DNPEP: variants seen among roughly 807,000 people sequenced by gnomAD.
DNPEP encodes the protein aspartyl aminopeptidase.
In DNPEP, 46 loss-of-function variants were observed where a neutral mutation model predicts 59.1. The observed-to-expected ratio is 0.78, with a 90% confidence interval of 0.61 to 0.99. The LOEUF is 0.99. DNPEP is among the 50% of genes least tolerant of loss of function. DNPEP has a pLI of 0.00. For synonymous variants in DNPEP, 229 were observed against 242.2 expected (o/e 0.95, Z 0.50); for missense variants, 617 against 649.9 (o/e 0.95, Z 0.55).
upstream of DNPEP, among the ~76,000 whole-genome samples, chr2:219,391,040 T>C (rs1954008396): frequency 6.6e-6 from 1 of 152,212 alleles, no homozygotes; most frequent in Admixed American, 6.5e-5. Context: ...CTAAGTTTTC[T>C]ACTTTACCTA....
intron 5 of DNPEP, 90 bp from the exon 6 acceptor site, chr2:219,386,188 G>A (rs2125141579): frequency 6.2e-7 from 1 of 1,609,032 alleles, no homozygotes; most frequent in African/African-American, 1.3e-5. Flanking sequence ...GTGGTCCTCT[G>A]ACCAGACTGC....
intron 1 of DNPEP, chr2:219,399,860 G>A (rs1031724272): frequency 1.4e-5 from 21 of 1,550,230 alleles, no homozygotes; most frequent in African/African-American, 5.5e-5. Flanking sequence ...GACAGGCCCC[G>A]GTTACCTTGT....
chr2:219,380,538 T>C (rs1272134063), intron 13 of DNPEP, among the ~76,000 whole-genome samples: 2 of 152,068 alleles, frequency 1.3e-5, no homozygotes, highest in East Asian at 3.8e-4. Flanking sequence ...ACCTTTTCTA[T>C]GTTTAGATAC....
chr2:219,386,457 G>A (rs773831964), intron 4 of DNPEP, 46 bp from the exon 5 acceptor site: 2 of 1,611,364 alleles, frequency 1.2e-6, no homozygotes, highest in South Asian at 2.2e-5. Flanking sequence ...ATGACGATAT[G>A]TGGAGATGAG....
chr2:219,385,299 G>A lies in DNPEP; in HGVS notation c.774+125C>T, dbSNP rs894563456. ...AGAAGCAGTGGGGGATGTGTCTACT[G>A]GGAAAAACGGGGATGAGAGTTACTG... On this transcript the variant is annotated intron_variant, in intron 8 of 14. Coordinates refer to ENST00000273075, the MANE Select transcript of DNPEP (RefSeq NM_012100.4). 6.3e-6 allele frequency: 4 copies of A among 639,790 alleles called. No individual in the cohort carries two copies. The African/African-American group carries it at 7.3e-5, about 12-fold the overall frequency. The allele number at this position is 639,790 out of a possible 1,614,324, so 39.6% of individuals were successfully genotyped here. A position where few individuals can be genotyped will look rare whatever the true frequency, so the allele number is the denominator to read the frequency against.
chr2:219,382,811 T>C (rs763449763), intron 10 of DNPEP, among the ~76,000 whole-genome samples: 1 of 152,206 alleles, frequency 6.6e-6, no homozygotes, highest in Non-Finnish European at 1.5e-5. Flanking sequence ...CAGCTGAGAC[T>C]GCAGCCTCAC....
rs1160689293 is a variant in DNPEP at position 219,376,987 on chromosome 2, C to G, written c.1240-1965G>C. On this transcript the variant is annotated intron_variant, in intron 13 of 14. Coordinates refer to ENST00000273075, the MANE Select transcript of DNPEP (RefSeq NM_012100.4). The stretch of plus-strand genomic sequence containing the variant: ...ATGTCTTCTAGCCCAAAATGTTTAA[C>G]TTGAGGCTAGGCACGGTGGCTCACA... Among the ~76,000 whole-genome samples the G allele has an allele frequency of 2.6e-5, 4 of 151,952 alleles. No homozygotes were observed. In the East Asian group the frequency reaches 7.7e-4, roughly 29 times the overall value.
chr2:219,386,911 T>C lies in DNPEP; in HGVS notation c.200A>G (p.Asn67Ser), dbSNP rs759023062. ...FSELKETEKW[N>S]IKPESKYFMT... ...CAGTACCTTGCTCTCGGGCTTAATATTCCATTTCTCAGTCTCCTTGAGTTC... is the reference window on the plus strand; with the variant it reads ...CAGTACCTTGCTCTCGGGCTTAATACTCCATTTCTCAGTCTCCTTGAGTTC... Residue 67 changes from asparagine to serine, a missense_variant, in exon 3 of 15, where the codon AAT becomes AGT. Physicochemically the swap from Asn to Ser is conservative, Grantham distance 46 (BLOSUM62 1). Transcript: ENST00000273075. 8.7e-6 allele frequency: 14 copies of C among 1,604,022 alleles called. No individual in the cohort carries two copies. Among genetic ancestry groups the C allele is most frequent in the South Asian group, 7.7e-5 (7 of 90,878 alleles).
At chr2:219,399,919 G>A (rs531232509) in intron 1 of DNPEP, 180 of 1,550,524 alleles carry the variant, frequency 1.2e-4, no homozygotes, top group Non-Finnish European at 1.5e-4. Context: ...GAGAGGCTCC[G>A]AGCCATGGTG....
At chr2:219,391,641 T>C (rs1011906186), upstream of DNPEP, among the ~76,000 whole-genome samples, 7 of 152,204 alleles carry the variant, frequency 4.6e-5, no homozygotes, top group Non-Finnish European at 8.8e-5. Context: ...TCAGTTCTCA[T>C]GAGCTTGTCC....
chr2:219,387,855 CA>C lies in DNPEP; in HGVS notation c.-62del, dbSNP rs1232036253. On this transcript the variant is annotated 5_prime_UTR_variant, in exon 1 of 15. Coordinates refer to ENST00000273075, the MANE Select transcript of DNPEP (RefSeq NM_012100.4). ...CCTGCCCCGCCCCTCACTAGCTTTG[CA>C]GGTCCCCCGCGTGCCCCTTCAGGCC... 24 of 1,506,860 alleles carry C rather than the reference CA, an allele frequency of 1.6e-5. No individual in the cohort carries two copies. The highest frequency in any genetic ancestry group is 1.8e-6 in the Non-Finnish European group (2 of 1,129,612). The allele number at this position is 1,506,860 out of a possible 1,614,324, so 93.3% of individuals were successfully genotyped here. A position where few individuals can be genotyped will look rare whatever the true frequency, so the allele number is the denominator to read the frequency against.
Position 219,375,010 on chromosome 2 carries a change from G to A in DNPEP, c.1252C>T (p.Arg418Trp), listed in dbSNP as rs375968327. Residue 418 changes from arginine (R) to tryptophan (W), a missense_variant, in exon 14 of 15, where the codon CGG (arginine) becomes TGG (tryptophan). Physicochemically the swap from Arg to Trp is moderately radical, Grantham distance 101. Transcript: ENST00000273075. ...GTGGTTCCACAGGGGGTGTCATTCC[G>A]GACCATGAGATCCTAGGGAGAGCAG... is the stretch of plus-strand genomic sequence containing the variant. Reference protein sequence around the residue: ...VKVPLQDLMVRNDTPCGTTIG... With the variant: ...VKVPLQDLMVWNDTPCGTTIG... The A allele has an allele frequency of 7.4e-5, 119 of 1,613,936 alleles. No homozygotes were observed. The highest frequency in any genetic ancestry group is 8.7e-5 in the Non-Finnish European group (103 of 1,180,024).
intron 10 of DNPEP, 129 bp from the exon 11 acceptor site, chr2:219,382,268 C>G: frequency 9.4e-7 from 1 of 1,059,944 alleles, no homozygotes; most frequent in South Asian, 1.5e-5. Flanking sequence ...TAGCAACACC[C>G]CTAACCTGGG....
rs146190661 is a variant in DNPEP, at chr2:219,399,843, A to G, written c.-158+97T>C. The G allele has an allele frequency of 2.2e-4, 336 of 1,549,232 alleles. 1 individual carries two copies. The East Asian group carries it at 8.2e-3, about 38-fold the overall frequency. On this transcript the variant is annotated intron_variant, in intron 1 of 6. Transcript: ENST00000434339. ...GAACGTGTCTGCACTGGCTGGCCAC[A>G]GAACTAGACAGGCCCCGGTTACCTT...
At chr2:219,389,722 A>G (rs1953981830), upstream of DNPEP, among the ~76,000 whole-genome samples, 1 of 150,344 alleles carries the variant, frequency 6.7e-6, no homozygotes, top group South Asian at 2.1e-4. Flanking sequence ...CCCAGCAGCT[A>G]CTTGGGAGGC....
upstream of DNPEP, chr2:219,388,936 A>G (rs1008591366): frequency 5.3e-6 from 5 of 944,798 alleles, no homozygotes; most frequent in Non-Finnish European, 5.0e-6. Context: ...TGATCCGTCG[A>G]GGTAATAAAC....
intron 11 of DNPEP, 92 bp downstream of exon 11, chr2:219,381,887 G>T: frequency 6.8e-7 from 1 of 1,472,524 alleles, no homozygotes; most frequent in Non-Finnish European, 9.3e-7. Context: ...AAGGGAGAAA[G>T]GAAGAGGCTG....
rs1559340765 is a variant in DNPEP at position 219,386,712 on chromosome 2, T to C, written c.286A>G (p.Asn96Asp). ...FAVGGQYVPG[N>D]GFSLIGAHTD... is the part of the protein sequence containing the mutation. ...TGGGCCCCGATGAGGCTGAAGCCAT[T>C]GCCAGGAACGTACTGGCCCCCTACA... Residue 96 changes from asparagine (N) to aspartate (D), a missense_variant, in exon 4 of 15, where the codon AAT (asparagine) becomes GAT (aspartate). Asn to Asp is a conservative substitution (Grantham distance 23). Transcript: ENST00000273075. 6.2e-7 allele frequency: 1 copy of C among 1,613,118 alleles called. No homozygotes were observed. Among genetic ancestry groups the C allele is most frequent in the Admixed American group, 1.7e-5 (1 of 59,936 alleles).
upstream of DNPEP, among the ~76,000 whole-genome samples, chr2:219,390,002 C>T (rs1953990125): frequency 6.6e-6 from 1 of 152,122 alleles, no homozygotes; most frequent in Non-Finnish European, 1.5e-5. Context: ...TAAGGAACCA[C>T]CTTTAATGTT....
Sources: allele counts gnomAD v4.1 joint callset (sites outside exome capture counted in the v4.1 genomes callset), GRCh38; gene constraint gnomAD v4.1.1; transcripts MANE v1.5; gene names NCBI Gene and HGNC (gene_info 2026-07-23, HGNC 2026-07-21).